CSRP2: variants seen among roughly 807,000 people sequenced by gnomAD.
CSRP2 encodes cysteine and glycine rich protein 2, also known as cysteine and glycine-rich protein 2.
In CSRP2, 18 loss-of-function variants were observed where a neutral mutation model predicts 24.6. The observed-to-expected ratio is 0.73, with a 90% confidence interval of 0.51 to 1.09. CSRP2 has a LOEUF of 1.09. CSRP2 is among the 50% of genes least tolerant of loss of function. CSRP2 has a pLI of 0.00. For missense variants in CSRP2, 215 were observed against 239.4 expected (o/e 0.90, Z 0.67); for synonymous variants, 87 against 84.3 (o/e 1.03, Z -0.18).
At chr12:76,868,415 C>G (rs1239457969) in intron 1 of CSRP2, among the ~76,000 whole-genome samples, 1 of 152,126 alleles carries the variant, frequency 6.6e-6, no homozygotes, top group African/African-American at 2.4e-5. Context: ...GTGAATAAGT[C>G]TCACAAGATC....
intron 1 of CSRP2, among the ~76,000 whole-genome samples, chr12:76,867,730 C>G (rs1042904613): frequency 6.6e-6 from 1 of 152,142 alleles, no homozygotes; most frequent in African/African-American, 2.4e-5. Context: ...GACTGCTTGC[C>G]TCTCTAGGAA....
chr12:76,862,879 G>T (rs372521331), intron 3 of CSRP2: 110 of 1,480,642 alleles, frequency 7.4e-5, no homozygotes, highest in Non-Finnish European at 9.1e-5. Flanking sequence ...CATGACATCC[G>T]GTCTCCAAGG....
chr12:76,877,569 G>A (rs185653764), intron 1 of CSRP2, among the ~76,000 whole-genome samples: 24 of 152,322 alleles, frequency 1.6e-4, no homozygotes, highest in African/African-American at 5.3e-4. Context: ...CTCATGTGAT[G>A]CAGGTCTGGT....
intron 1 of CSRP2, among the ~76,000 whole-genome samples, chr12:76,868,726 A>G (rs1219581802): frequency 6.6e-6 from 1 of 152,116 alleles, no homozygotes; most frequent in Non-Finnish European, 1.5e-5. Context: ...CAGGCGGATC[A>G]TGAGGTCAGG....
intron 3 of CSRP2, 188 bp from the exon 4 acceptor site, chr12:76,860,601 A>G (rs990215448): frequency 9.3e-5 from 54 of 577,904 alleles, no homozygotes; most frequent in Non-Finnish European, 1.4e-4. Flanking sequence ...TTACTACTTG[A>G]ACCTATCTAT....
chr12:76,873,822 C>T (rs1224825667), intron 1 of CSRP2, among the ~76,000 whole-genome samples: 2 of 152,246 alleles, frequency 1.3e-5, no homozygotes, highest in East Asian at 1.9e-4. Context: ...CCCATCAAGG[C>T]AACTGCCTTA....
intron 2 of CSRP2, 101 bp downstream of exon 2, chr12:76,866,048 A>G: frequency 1.2e-6 from 1 of 825,264 alleles, no homozygotes. Flanking sequence ...GTGCTTTCAA[A>G]ATGATCTTTG....
chr12:76,858,896 G>C lies in CSRP2; in HGVS notation c.*56C>G. 6.9e-7 allele frequency: 1 copy of C among 1,445,088 alleles called. No homozygotes were observed. 89.5% of individuals were successfully genotyped at this position (1,445,088 alleles called of 1,614,324 possible). A position where few individuals can be genotyped will look rare whatever the true frequency, so the allele number is the denominator to read the frequency against. ...AGTAGTTTAGTGTTAAAGATTATCT[G>C]TGCCTAGATTATGAAGAGATTCTCA... On this transcript the variant is annotated 3_prime_UTR_variant, in exon 6 of 6. Transcript: ENST00000311083.
chr12:76,860,995 T>C (rs891798478), intron 3 of CSRP2: 5 of 152,236 alleles, frequency 3.3e-5, no homozygotes, highest in Admixed American at 2.6e-4. Flanking sequence ...ATTTTGATTA[T>C]TACTATGCAA....
intron 1 of CSRP2, chr12:76,878,428 G>T (rs1192452257): frequency 6.6e-6 from 1 of 152,332 alleles, no homozygotes; most frequent in Non-Finnish European, 1.5e-5. Context: ...GGGCTCGGGG[G>T]GATGTAGAAG....
intron 1 of CSRP2, among the ~76,000 whole-genome samples, chr12:76,877,959 G>A (rs879583538): frequency 4.2e-5 from 4 of 95,408 alleles, no homozygotes; most frequent in African/African-American, 1.7e-4. Context: ...AACTGCCCCC[G>A]CCCCACCCCC....
intron 5 of CSRP2, 93 bp downstream of exon 5, chr12:76,859,454 T>C: frequency 3.7e-6 from 3 of 805,606 alleles, no homozygotes; most frequent in Admixed American, 5.8e-5. Flanking sequence ...TGGCATACTT[T>C]TCTTTTTTTT....
chr12:76,863,177 T>G lies in CSRP2; in HGVS notation c.280A>C (p.Ser94Arg), dbSNP rs754205961. Residue 94 changes from serine to arginine, a missense_variant and splice_region_variant, in exon 3 of 6, where the codon AGT becomes CGT. Coordinates refer to ENST00000311083, the MANE Select transcript of CSRP2 (RefSeq NM_001321.3). The part of the protein sequence containing the change: ...RGERLGIKPE[S>R]VQPHRPTTNP... ...GTAACCAACGGTCTCCCAACTCACC[T>G]CTCTGGTTTGATGCCCAGCCTCTCG... 2 of 1,611,638 alleles carry G rather than the reference T, an allele frequency of 1.2e-6. No individual in the cohort carries two copies. The highest frequency in any genetic ancestry group is 1.7e-6 in the Non-Finnish European group (2 of 1,178,218).
intron 1 of CSRP2, among the ~76,000 whole-genome samples, chr12:76,872,305 T>C (rs1953807465): frequency 6.6e-6 from 1 of 152,182 alleles, no homozygotes; most frequent in African/African-American, 2.4e-5. Context: ...TAAGTCTGAG[T>C]CGTCTTATGG....
intron 1 of CSRP2, among the ~76,000 whole-genome samples, chr12:76,873,144 C>T (rs891756125): frequency 6.6e-6 from 1 of 152,160 alleles, no homozygotes; most frequent in Non-Finnish European, 1.5e-5. Context: ...CCTCCAGAAG[C>T]TTTGACATTT....
chr12:76,872,577 C>T (rs1208589648), intron 1 of CSRP2, among the ~76,000 whole-genome samples: 8 of 152,318 alleles, frequency 5.3e-5, no homozygotes, highest in East Asian at 1.9e-4. Context: ...AACATCATGG[C>T]GCCCTGCATT....
chr12:76,859,090 T>A, intron 5 of CSRP2, 62 bp from the exon 6 acceptor site: 1 of 1,363,388 alleles, frequency 7.3e-7, no homozygotes, highest in Non-Finnish European at 1.0e-6. Flanking sequence ...TAGCACTGCT[T>A]AAGACCCACT....
chr12:76,871,563 G>A (rs1953797634), intron 1 of CSRP2, among the ~76,000 whole-genome samples: 1 of 152,192 alleles, frequency 6.6e-6, no homozygotes, highest in South Asian at 2.1e-4. Context: ...GAGGTCAGGA[G>A]ATCAAGACCA....
intron 3 of CSRP2, chr12:76,861,591 A>C (rs1953679079): frequency 6.6e-6 from 1 of 152,138 alleles, no homozygotes; most frequent in Non-Finnish European, 1.5e-5. Context: ...AGTAAAATAA[A>C]TTTTAACAAA....
Sources: allele counts gnomAD v4.1 joint callset (sites outside exome capture counted in the v4.1 genomes callset), GRCh38; gene constraint gnomAD v4.1.1; transcripts MANE v1.5; gene names NCBI Gene and HGNC (gene_info 2026-07-23, HGNC 2026-07-21).